The following ATP1A4 variants were observed in gnomAD, a reference collection of about 807,000 sequenced individuals.
ATP1A4 encodes the protein ATPase Na+/K+ transporting subunit alpha 4, also known as sodium/potassium-transporting ATPase subunit alpha-4.
ATP1A4 carries 90 observed loss-of-function variants against 114.3 expected under a neutral mutation model. The observed-to-expected ratio is 0.79, with a 90% CI of 0.66 to 0.94. ATP1A4 has a LOEUF of 0.94. Among genes scored for constraint, ATP1A4 ranks in the 40% least tolerant of loss-of-function variants. The probability of loss-of-function intolerance (pLI) is 0.00; values close to 1 mark genes in which losing one functional copy is unlikely to be tolerated. For synonymous variants in ATP1A4, 511 were observed against 494.1 expected (o/e 1.03, Z -0.45); for missense variants, 1,222 against 1,313.6 (o/e 0.93, Z 1.08).
Position 160,155,097 on chromosome 1 carries a change from C to G in ATP1A4, c.260C>G (p.Thr87Ser). 1 of 1,614,066 alleles carries G rather than the reference C, an allele frequency of 6.2e-7. No individual in the cohort carries two copies. The highest frequency in any genetic ancestry group is 1.3e-5 in the African/African-American group (1 of 75,024). ...ATCCTGACTCGAGGTGGACCCAATA[C>G]TGTTACCCCACCCCCCACCACTCCA... ...KEILTRGGPNTVTPPPTTPEW... is the reference protein window; with the variant it reads ...KEILTRGGPNSVTPPPTTPEW... The change falls in exon 3 of 22, where the codon ACT becomes AGT. Residue 87 changes from threonine to serine, a missense_variant. By Grantham distance (58) the Thr-to-Ser change is moderately conservative. Transcript: ENST00000368081.
intron 8 of ATP1A4, 84 bp downstream of exon 8, chr1:160,166,810 A>G (rs902638212): frequency 6.3e-7 from 1 of 1,575,304 alleles, no homozygotes; most frequent in African/African-American, 1.3e-5. Flanking sequence ...GAGTCCAGAC[A>G]GACAGGAGGG....
intron 21 of ATP1A4, 131 bp from the exon 22 acceptor site, chr1:160,186,540 C>T: frequency 8.7e-7 from 1 of 1,155,074 alleles, no homozygotes. Flanking sequence ...CCCTCTGCTC[C>T]ATCTGACCCT....
chr1:160,155,911 A>G (rs1357766379), intron 3 of ATP1A4, 134 bp from the exon 4 acceptor site: 2 of 611,054 alleles, frequency 3.3e-6, no homozygotes, highest in African/African-American at 3.7e-5. Context: ...ATTCTTCTCT[A>G]CCCCTCTGCT....
At chr1:160,171,229 G>T (rs749683272) in intron 10 of ATP1A4, 22 bp from the exon 11 acceptor site, 2 of 1,601,770 alleles carry the variant, frequency 1.2e-6, no homozygotes, top group Admixed American at 3.4e-5. Context: ...TGTCCCATCA[G>T]TGCTCCCTTT....
chr1:160,158,462 A>C (rs1052569968), intron 4 of ATP1A4, among the ~76,000 whole-genome samples: 3 of 151,964 alleles, frequency 2.0e-5, no homozygotes, highest in Non-Finnish European at 4.4e-5. Context: ...CTGCAGCCTT[A>C]ACCTTCTGGG....
Position 160,186,293 on chromosome 1 carries a change from G to A in ATP1A4, c.2987G>A (p.Cys996Tyr). 1 of 1,613,094 alleles carries A rather than the reference G, an allele frequency of 6.2e-7. No homozygotes were observed. The highest frequency in any genetic ancestry group is 8.5e-7 in the Non-Finnish European group (1 of 1,179,696). The part of the protein sequence containing the change: ...MYPLKITWWL[C>Y]AIPYSILIFV... The stretch of plus-strand genomic sequence containing the variant: ...CTCTACAGGATAACCTGGTGGCTCT[G>A]TGCCATTCCCTACAGTATTCTCATC... The change falls in exon 21 of 22, where the codon TGT (cysteine) becomes TAT (tyrosine). Residue 996 changes from cysteine (C) to tyrosine (Y), a missense_variant. Coordinates refer to ENST00000368081, the MANE Select transcript of ATP1A4 (RefSeq NM_144699.4).
At chr1:160,163,285 A>G (rs1652920003) in intron 6 of ATP1A4, among the ~76,000 whole-genome samples, 1 of 152,180 alleles carries the variant, frequency 6.6e-6, no homozygotes, top group African/African-American at 2.4e-5. Context: ...TGGGTGTCCT[A>G]TAATTCAATT....
intron 12 of ATP1A4, among the ~76,000 whole-genome samples, chr1:160,172,419 AG>A (rs1653298036): frequency 6.6e-6 from 1 of 152,206 alleles, no homozygotes; most frequent in South Asian, 2.1e-4. Context: ...GTATATGCCC[AG>A]GTCTAAAAAC....
chr1:160,164,373 C>T lies in ATP1A4; in HGVS notation c.996C>T (p.Leu332=). The change falls in exon 7 of 22, where the codon CTC becomes CTT. Residue 332 remains leucine, a synonymous_variant. Coordinates refer to ENST00000368081, the MANE Select transcript of ATP1A4 (RefSeq NM_144699.4). The part of the protein sequence containing the change: ...GYGWLEAIIF[L]IGIIVANVPE... ...GTTGGCTGGAGGCTATCATTTTTCT[C>T]ATTGGCATCATTGTGGCCAATGTGC... 2.5e-6 allele frequency: 4 copies of T among 1,614,176 alleles called. No individual in the cohort carries two copies. Among genetic ancestry groups the T allele is most frequent in the Non-Finnish European group, 3.4e-6 (4 of 1,180,028 alleles).
In ATP1A4 at chr1:160,155,704, G is replaced by A. The variant is rs563062047; in HGVS notation, c.412-341G>A. ...TCCCAATTGATCCCCAAAGCACTTT[G>A]CAGTCCCTTTCTCTTCTCCACAATT... On this transcript the variant is annotated intron_variant, in intron 3 of 21. Coordinates refer to ENST00000368081, the MANE Select transcript of ATP1A4 (RefSeq NM_144699.4). Among the ~76,000 whole-genome samples the A allele has an allele frequency of 6.6e-5, 10 of 152,140 alleles. No individual in the cohort carries two copies. In the South Asian group the frequency reaches 2.1e-3, roughly 32 times the overall value.
intron 14 of ATP1A4, 41 bp downstream of exon 14, chr1:160,174,302 C>T (rs866675383): frequency 6.2e-7 from 1 of 1,613,354 alleles, no homozygotes; most frequent in Non-Finnish European, 8.5e-7. Context: ...TGGCAGAACT[C>T]CTGTGGCTTA....
Position 160,155,032 on chromosome 1 carries a change from C to A in ATP1A4, c.208-13C>A, listed in dbSNP as rs750881180. The A allele has an allele frequency of 6.2e-7, 1 of 1,612,118 alleles. No homozygotes were observed. The highest frequency in any genetic ancestry group is 1.7e-5 in the Admixed American group (1 of 60,002). ...CACAGCTCTCTATCCAACCCTATTTCTTCTCTGCACAGGGCCATAGCCACC... is the reference window on the plus strand; with the variant it reads ...CACAGCTCTCTATCCAACCCTATTTATTCTCTGCACAGGGCCATAGCCACC... On this transcript the variant is annotated splice_polypyrimidine_tract_variant and intron_variant, in intron 2 of 21. Coordinates refer to ENST00000368081, the MANE Select transcript of ATP1A4 (RefSeq NM_144699.4).
intron 18 of ATP1A4, among the ~76,000 whole-genome samples, chr1:160,178,280 G>T (rs990814717): frequency 2.0e-5 from 3 of 151,846 alleles, no homozygotes; most frequent in Admixed American, 6.6e-5. Flanking sequence ...ACTTGAACCC[G>T]GGGGGCAAAG....
In ATP1A4 at chr1:160,155,248, C is replaced by T. The variant is rs566852969; in HGVS notation, c.411C>T (p.Asn137=). The change falls in exon 3 of 22, where the codon AAC becomes AAT. Residue 137 remains asparagine, a splice_region_variant and synonymous_variant. Transcript: ENST00000368081. The part of the protein sequence containing the change: ...IYFNEEPTKD[N]LYLSIVLSVV... ...TCAATGAGGAGCCTACCAAAGACAA[C>T]GTGAGTCTCTTCAGCTACTACTAGC... The T allele has an allele frequency of 7.7e-5, 124 of 1,611,950 alleles. No individual in the cohort carries two copies. Among genetic ancestry groups the T allele is most frequent in the South Asian group, 2.4e-4 (22 of 90,802 alleles).
chr1:160,165,535 G>T (rs868300089), intron 7 of ATP1A4, among the ~76,000 whole-genome samples: 2 of 151,218 alleles, frequency 1.3e-5, no homozygotes, highest in Admixed American at 1.3e-4. Flanking sequence ...CAAGGTGGGC[G>T]GATCACGAGG....
chr1:160,173,967 A>G (rs1347467377), intron 13 of ATP1A4, 144 bp from the exon 14 acceptor site: 3 of 1,110,836 alleles, frequency 2.7e-6, no homozygotes, highest in African/African-American at 3.2e-5. Flanking sequence ...AGGATGTGTC[A>G]ATTTGGGGAC....
At chr1:160,158,232 T>C (rs533034052) in intron 4 of ATP1A4, among the ~76,000 whole-genome samples, 1 of 152,184 alleles carries the variant, frequency 6.6e-6, no homozygotes, top group Non-Finnish European at 1.5e-5. Context: ...CTCATCCACA[T>C]GTCTGGGCCC....
intron 14 of ATP1A4, 67 bp downstream of exon 14, chr1:160,174,328 A>G (rs1653377781): frequency 1.9e-6 from 3 of 1,600,594 alleles, no homozygotes; most frequent in African/African-American, 1.3e-5. Flanking sequence ...GTCCCAAACC[A>G]AGCAGAGGAA....
At position 160,180,692 on chromosome 1, in the gene ATP1A4, CCCTT is replaced by C. The variant is rs1440441897; in HGVS notation, c.2737-991_2737-988del. On this transcript the variant is annotated intron_variant, in intron 18 of 21. Transcript: ENST00000368081. ...CTATATCCCCTGACTCTGCCTTCTT[CCCTT>C]TTTTTTTTTTTTTTTTTTTTTTTTT... is the stretch of plus-strand genomic sequence containing the variant. Among the ~76,000 whole-genome samples the C allele has an allele frequency of 1.2e-4, 17 of 139,042 alleles. 1 individual carries two copies. The highest frequency in any genetic ancestry group is 6.1e-5 in the Non-Finnish European group (4 of 65,704). The allele number at this position is 139,042 out of a possible 152,430, so 91.2% of individuals were successfully genotyped here. A position where few individuals can be genotyped will look rare whatever the true frequency, so the allele number is the denominator to read the frequency against.
Sources: gnomAD v4.1 joint callset for allele counts (sites outside exome capture counted in the v4.1 genomes callset) on GRCh38, gnomAD v4.1.1 for gene constraint, MANE v1.5 for transcripts, NCBI Gene and HGNC (gene_info 2026-07-23, HGNC 2026-07-21) for gene names.